RSPO2: variants seen among roughly 807,000 people sequenced by gnomAD.
RSPO2 encodes R-spondin-2.
A neutral mutation model predicts 30.9 loss-of-function variants in RSPO2; 14 were observed. The ratio of observed to expected loss-of-function variants is 0.45; its 90% confidence interval spans 0.30 to 0.71. The LOEUF (loss-of-function observed/expected upper bound fraction) is 0.71. Among genes scored for constraint, RSPO2 ranks in the 30% least tolerant of loss-of-function variants. RSPO2 has a pLI of 0.08. For missense variants in RSPO2, 264 were observed against 301.9 expected (o/e 0.87, Z 0.93); for synonymous variants, 107 against 96.4 (o/e 1.11, Z -0.64).
At position 107,901,622 on chromosome 8, in the gene RSPO2, C is replaced by T. The variant is rs183672358; in HGVS notation, c.617-432G>A. 2.0e-3 allele frequency among the ~76,000 whole-genome samples: 309 copies of T among 152,374 alleles called. 2 individuals are homozygous for T. Among genetic ancestry groups the T allele is most frequent in the African/African-American group, 7.1e-3 (294 of 41,586 alleles). ...ACCAGAAGTTTCAAACTCCTCTCTC[C>T]CTTTCCCCATGGGGGAAAAAGAGTC... On this transcript the variant is annotated intron_variant, in intron 5 of 5. Transcript: ENST00000276659.
chr8:108,048,864 T>C (rs1360470430), intron 2 of RSPO2, among the ~76,000 whole-genome samples: 1 of 152,236 alleles, frequency 6.6e-6, no homozygotes, highest in Non-Finnish European at 1.5e-5. Context: ...TTCTGGTACA[T>C]TGTGTCTTTG....
intron 2 of RSPO2, among the ~76,000 whole-genome samples, chr8:107,989,883 C>T (rs1271722634): frequency 6.6e-6 from 1 of 152,064 alleles, no homozygotes; most frequent in Non-Finnish European, 1.5e-5. Context: ...TTCTACAATC[C>T]TGAGACCTAG....
At chr8:108,075,957 A>T (rs1321559194) in intron 2 of RSPO2, among the ~76,000 whole-genome samples, 1 of 152,230 alleles carries the variant, frequency 6.6e-6, no homozygotes, top group African/African-American at 2.4e-5. Flanking sequence ...AGAGAAGCTT[A>T]AAATATGATG....
At chr8:108,081,956 G>A in intron 2 of RSPO2, 2 of 885,814 alleles carry the variant, frequency 2.3e-6, no homozygotes, top group Non-Finnish European at 2.7e-6. Context: ...CCAGAAAAAA[G>A]AGATCTATGT....
intron 5 of RSPO2, among the ~76,000 whole-genome samples, chr8:107,905,427 AAAGT>A (rs1418876232): frequency 2.6e-5 from 4 of 152,118 alleles, no homozygotes; most frequent in African/African-American, 9.7e-5. Flanking sequence ...CAAGCTGTGG[AAAGT>A]AAGCCACAAT....
At chr8:107,975,077 A>G (rs1563546256) in intron 3 of RSPO2, among the ~76,000 whole-genome samples, 1 of 152,170 alleles carries the variant, frequency 6.6e-6, no homozygotes, top group Non-Finnish European at 1.5e-5. Context: ...ACACTAGCTC[A>G]CTGAAACAAT....
rs1407360022 is a variant in RSPO2 at position 108,003,299 on chromosome 8, ATATATATATATATTTTTTTTTTTTTTTT to A, written c.95-14083_95-14056del. On this transcript the variant is annotated intron_variant, in intron 2 of 5. Transcript: ENST00000276659. Reference sequence around the variant, plus strand: ...TGTGTATATATATATATATATATATATATATATATATATTTTTTTTTTTTTTTTTTTTTTTTTTAAGTAGAGACGGGGT... The same window carrying A: ...TGTGTATATATATATATATATATATATTTTTTTTTTAAGTAGAGACGGGGT... Among the ~76,000 whole-genome samples the A allele has an allele frequency of 3.8e-3, 88 of 23,290 alleles. 2 individuals are homozygous for A. Among genetic ancestry groups the A allele is most frequent in the Middle Eastern group, 0.023 (1 of 44 alleles). 15.3% of individuals were successfully genotyped at this position (23,290 alleles called of 152,430 possible). A position where few individuals can be genotyped will look rare whatever the true frequency, so the allele number is the denominator to read the frequency against.
At chr8:108,003,283 A>G (rs1815318040) in intron 2 of RSPO2, among the ~76,000 whole-genome samples, 3 of 38,536 alleles carry the variant, frequency 7.8e-5, no homozygotes, top group Admixed American at 3.1e-4. Context: ...GTGTGTATAT[A>G]TATATATATA....
At chr8:108,015,887 A>C (rs1305263583) in intron 2 of RSPO2, among the ~76,000 whole-genome samples, 1 of 152,212 alleles carries the variant, frequency 6.6e-6, no homozygotes, top group African/African-American at 2.4e-5. Flanking sequence ...ACAGTCACCA[A>C]GAAAAATAAG....
intron 5 of RSPO2, among the ~76,000 whole-genome samples, chr8:107,928,443 T>C (rs900256762): frequency 6.6e-6 from 1 of 152,236 alleles, no homozygotes; most frequent in African/African-American, 2.4e-5. Context: ...CAGATTACAC[T>C]GTAAAGACTT....
intron 2 of RSPO2, among the ~76,000 whole-genome samples, chr8:108,067,229 A>G (rs1240055309): frequency 6.6e-6 from 1 of 152,226 alleles, no homozygotes; most frequent in African/African-American, 2.4e-5. Flanking sequence ...TGCTGATTCA[A>G]GCATAGCCAC....
intron 2 of RSPO2, among the ~76,000 whole-genome samples, chr8:108,038,814 G>C (rs758606612): frequency 6.6e-6 from 1 of 151,542 alleles, no homozygotes; most frequent in African/African-American, 2.4e-5. Flanking sequence ...TGTTTATTTC[G>C]ACATAAGGCT....
intron 5 of RSPO2, among the ~76,000 whole-genome samples, chr8:107,927,611 T>C (rs953743586): frequency 7.2e-5 from 11 of 152,228 alleles, no homozygotes; most frequent in African/African-American, 2.6e-4. Context: ...CATGAAGGGC[T>C]ACTGAATTTT....
intron 2 of RSPO2, among the ~76,000 whole-genome samples, chr8:108,076,246 G>A (rs1049974299): frequency 6.6e-6 from 1 of 152,232 alleles, no homozygotes; most frequent in African/African-American, 2.4e-5. Flanking sequence ...TTGAAAGCAG[G>A]CTGTGGTCAG....
chr8:107,996,823 T>C, intron 2 of RSPO2: 1 of 396,818 alleles, frequency 2.5e-6, no homozygotes, highest in South Asian at 1.9e-5. Context: ...TGCCCTGCAT[T>C]TTTTAAAAAA....
At chr8:107,924,282 T>C (rs1812284022) in intron 5 of RSPO2, among the ~76,000 whole-genome samples, 1 of 151,964 alleles carries the variant, frequency 6.6e-6, no homozygotes, top group South Asian at 2.1e-4. Flanking sequence ...CATGAACATA[T>C]GGATAAATCA....
intron 3 of RSPO2, chr8:107,983,249 T>C (rs1207599897): frequency 3.2e-6 from 5 of 1,585,510 alleles, no homozygotes; most frequent in South Asian, 2.3e-5. Context: ...TCTGAAGCTA[T>C]GAAGCTGACA....
At chr8:107,908,950 T>C (rs1265045784) in intron 5 of RSPO2, among the ~76,000 whole-genome samples, 1 of 152,224 alleles carries the variant, frequency 6.6e-6, no homozygotes, top group African/African-American at 2.4e-5. Flanking sequence ...TGATCTTCAC[T>C]AACTTCTGGT....
At chr8:107,910,899 A>T (rs1449925858) in intron 5 of RSPO2, among the ~76,000 whole-genome samples, 1 of 152,122 alleles carries the variant, frequency 6.6e-6, no homozygotes, top group Non-Finnish European at 1.5e-5. Flanking sequence ...CTCTATTTTT[A>T]AAAAATTTTA....
Sources: allele counts gnomAD v4.1 joint callset (sites outside exome capture counted in the v4.1 genomes callset), GRCh38; gene constraint gnomAD v4.1.1; transcripts MANE v1.5; gene names NCBI Gene and HGNC (gene_info 2026-07-23, HGNC 2026-07-21).